The following MCTP1 variants were observed in gnomAD, a reference collection of about 807,000 sequenced individuals.
The protein encoded by MCTP1 is multiple C2 and transmembrane domain-containing protein 1.
MCTP1 carries 69 observed loss-of-function variants against 120.6 expected under a neutral mutation model. The ratio of observed to expected loss-of-function variants is 0.57; its 90% confidence interval spans 0.47 to 0.70. The LOEUF is 0.70. Ranked by LOEUF, MCTP1 falls within the 30% of genes least tolerant of loss-of-function variation. The probability of loss-of-function intolerance (pLI) is 0.00; values close to 1 mark genes in which losing one functional copy is unlikely to be tolerated. For synonymous variants in MCTP1, 529 were observed against 493.1 expected, an observed-to-expected ratio of 1.07 and a Z score of -0.96; for missense variants, 1,203 against 1,248.8, an observed-to-expected ratio of 0.96 and a Z score of 0.55.
rs188453451 is a variant in MCTP1 at position 95,173,382 on chromosome 5, C to G, written c.720+110474G>C. 3.2e-3 allele frequency among the ~76,000 whole-genome samples: 490 copies of G among 152,166 alleles called. 2 individuals carry two copies. Among genetic ancestry groups the G allele is most frequent in the Non-Finnish European group, 4.0e-3 (270 of 67,980 alleles). Reference sequence around the variant, plus strand: ...TTAGTCACTACAAGTAAAATATAATCATAACCAGAAAAAAAATTTATGAGA... The same window carrying G: ...TTAGTCACTACAAGTAAAATATAATGATAACCAGAAAAAAAATTTATGAGA... On this transcript the variant is annotated intron_variant, in intron 1 of 22. Coordinates refer to ENST00000515393, the MANE Select transcript of MCTP1 (RefSeq NM_024717.7).
chr5:95,156,502 T>C (rs915994397), intron 1 of MCTP1, among the ~76,000 whole-genome samples: 5 of 152,236 alleles, frequency 3.3e-5, no homozygotes, highest in Non-Finnish European at 7.3e-5. Flanking sequence ...CCCCATTCTC[T>C]AGTTACCTTA....
chr5:94,721,032 C>A (rs1021209207), intron 19 of MCTP1, among the ~76,000 whole-genome samples: 1 of 152,164 alleles, frequency 6.6e-6, no homozygotes, highest in African/African-American at 2.4e-5. Flanking sequence ...TCTATAATAA[C>A]CATATGACCT....
intron 11 of MCTP1, among the ~76,000 whole-genome samples, chr5:94,889,782 A>ACACC (rs1477667839): frequency 4.0e-5 from 6 of 148,850 alleles, no homozygotes; most frequent in Non-Finnish European, 8.9e-5. Context: ...ACACACACAC[A>ACACC]CCCCTCTATG....
chr5:95,018,807 T>C (rs997274440), intron 1 of MCTP1, among the ~76,000 whole-genome samples: 8 of 152,098 alleles, frequency 5.3e-5, no homozygotes, highest in Non-Finnish European at 8.8e-5. Flanking sequence ...AATTGTCTTT[T>C]TCTTTCAATT....
At chr5:94,708,450 G>A in intron 22 of MCTP1, 62 bp downstream of exon 22, 1 of 1,019,934 alleles carries the variant, frequency 9.8e-7, no homozygotes. Context: ...GGATATAAAA[G>A]CTAAAACCCC....
chr5:95,213,034 A>G (rs1270189337), intron 1 of MCTP1, among the ~76,000 whole-genome samples: 2 of 152,194 alleles, frequency 1.3e-5, no homozygotes, highest in African/African-American at 2.4e-5. Context: ...CAGGAGAAGG[A>G]AATAAAGGGT....
chr5:94,739,699 C>T (rs1239592174), intron 19 of MCTP1, among the ~76,000 whole-genome samples: 2 of 152,226 alleles, frequency 1.3e-5, no homozygotes, highest in Non-Finnish European at 2.9e-5. Flanking sequence ...GAGTCTTACT[C>T]TGTCGCCCAG....
rs559996350 is a variant in MCTP1, at chr5:95,259,122, G to A, written c.720+24734C>T. 1.3e-3 allele frequency among the ~76,000 whole-genome samples: 201 copies of A among 152,284 alleles called. 6 individuals are homozygous for A. Among genetic ancestry groups the A allele is most frequent in the Non-Finnish European group, 4.9e-4 (33 of 68,026 alleles). ...CATCAACTGGGTAGCCACTACAGCA[G>A]AAGAAGCCAACCACAGTCAATGTTG... On this transcript the variant is annotated intron_variant, in intron 1 of 22. Coordinates refer to ENST00000515393, the MANE Select transcript of MCTP1 (RefSeq NM_024717.7).
In MCTP1 at chr5:94,888,620, T is replaced by A. The variant is rs190590859; in HGVS notation, c.1933+259A>T. Among the ~76,000 whole-genome samples the A allele has an allele frequency of 7.9e-5, 12 of 152,352 alleles. No homozygotes were observed. The East Asian group carries it at 1.9e-3, about 24-fold the overall frequency. ...ATCTGGAAGACGTATTCCTACTACA[T>A]TGATTAAACTTCGAAGAAGGCAACA... On this transcript the variant is annotated intron_variant, in intron 12 of 22. Coordinates refer to ENST00000515393, the MANE Select transcript of MCTP1 (RefSeq NM_024717.7).
chr5:94,779,414 T>C (rs1482235947), intron 18 of MCTP1, among the ~76,000 whole-genome samples: 2 of 152,180 alleles, frequency 1.3e-5, no homozygotes, highest in African/African-American at 2.4e-5. Flanking sequence ...ATTTGAAATA[T>C]GCATAAGGTA....
chr5:95,236,663 A>C (rs1235570583), intron 1 of MCTP1, among the ~76,000 whole-genome samples: 2 of 152,238 alleles, frequency 1.3e-5, no homozygotes, highest in Non-Finnish European at 2.9e-5. Context: ...GTTGGGTGAT[A>C]ATGGGAACAT....
chr5:94,832,018 C>A (rs1788623306), intron 17 of MCTP1, among the ~76,000 whole-genome samples: 1 of 152,138 alleles, frequency 6.6e-6, no homozygotes, highest in Non-Finnish European at 1.5e-5. Context: ...GATCAAGTAG[C>A]AACCTAGGAC....
At chr5:95,081,743 A>AAATGGG in intron 1 of MCTP1, 1 of 1,227,376 alleles carries the variant, frequency 8.1e-7, no homozygotes, top group Admixed American at 3.9e-5. Flanking sequence ...TTCCCATTGC[A>AAATGGG]AAACTGTTAG....
rs558886870 is a variant in MCTP1 at position 94,855,693 on chromosome 5, GA to G, written c.2436+12639del. Among the ~76,000 whole-genome samples the G allele has an allele frequency of 1.3e-3, 192 of 151,818 alleles. 2 individuals carry two copies. Among genetic ancestry groups the G allele is most frequent in the African/African-American group, 3.5e-3 (145 of 41,470 alleles). ...AAGACATTATTTAAGAAGAAAGAGG[GA>G]AAAGGAAACCTATTATCTATGTGAA... On this transcript the variant is annotated intron_variant, in intron 17 of 22. Coordinates refer to ENST00000515393, the MANE Select transcript of MCTP1 (RefSeq NM_024717.7).
At chr5:94,851,675 T>C (rs1793746947) in intron 17 of MCTP1, among the ~76,000 whole-genome samples, 1 of 151,976 alleles carries the variant, frequency 6.6e-6, no homozygotes, top group South Asian at 2.1e-4. Context: ...GAATCTTAGA[T>C]GAAATTCAGT....
chr5:94,902,224 T>C (rs1474788760), intron 10 of MCTP1, among the ~76,000 whole-genome samples: 3 of 152,152 alleles, frequency 2.0e-5, no homozygotes, highest in African/African-American at 7.2e-5. Context: ...TGAACAGCAA[T>C]GATAAACAAG....
In MCTP1 at chr5:95,284,041, C is replaced by G. The variant is rs953775872; in HGVS notation, c.535G>C (p.Ala179Pro). 1 of 1,519,424 alleles carries G rather than the reference C, an allele frequency of 6.6e-7. No homozygotes were observed. The highest frequency in any genetic ancestry group is 8.8e-7 in the Non-Finnish European group (1 of 1,135,314). 94.1% of individuals were successfully genotyped at this position (1,519,424 alleles called of 1,614,324 possible). ...SPQPPPRGDR[A>P]RDEGARRQGP... The stretch of plus-strand genomic sequence containing the variant: ...TGACGCCGTGCACCCTCATCTCGGG[C>G]GCGGTCCCCCCTCGGGGGAGGCTGG... Residue 179 changes from alanine (A) to proline (P), a missense_variant, in exon 1 of 23, where the codon GCC becomes CCC. Ala to Pro is a conservative substitution (Grantham distance 27). This residue lies in a region of MCTP1 where 463 missense variants were observed against 377.8 expected (regional missense o/e 1.23). Coordinates refer to ENST00000515393, the MANE Select transcript of MCTP1 (RefSeq NM_024717.7). This position sits in a 1 kb window ranked among gnomAD's most constrained non-coding sequence, Gnocchi z 5.2.
intron 2 of MCTP1, among the ~76,000 whole-genome samples, chr5:95,003,171 C>A (rs951024988): frequency 3.3e-5 from 5 of 152,158 alleles, no homozygotes; most frequent in African/African-American, 9.7e-5. Context: ...AACCTCTTTT[C>A]TTTATAAATT....
intron 19 of MCTP1, among the ~76,000 whole-genome samples, chr5:94,756,747 A>T (rs1580504814): frequency 6.6e-6 from 1 of 151,974 alleles, no homozygotes; most frequent in African/African-American, 2.4e-5. Context: ...TGATTATGGG[A>T]CTCTGATGCC....
Sources: gnomAD v4.1 joint callset for allele counts (sites outside exome capture counted in the v4.1 genomes callset) on GRCh38, gnomAD v4.1.1 for gene constraint, gnomAD v4.1.1 regional missense constraint, Gnocchi (gnomAD v3.1) non-coding constraint, MANE v1.5 for transcripts, NCBI Gene and HGNC (gene_info 2026-07-23, HGNC 2026-07-21) for gene names.